GIMAP8: variants seen among roughly 807,000 people sequenced by gnomAD.
GIMAP8 encodes the protein GTPase IMAP family member 8.
In GIMAP8, 29 loss-of-function variants were observed where a neutral mutation model predicts 35.6. That is an observed-to-expected ratio of 0.81 (90% CI 0.61 to 1.11). GIMAP8 has a LOEUF of 1.11. Among genes scored for constraint, GIMAP8 ranks in the 50% most tolerant of loss-of-function variants. GIMAP8 has a pLI of 0.00. For synonymous variants in GIMAP8, 335 were observed against 308.7 expected, an observed-to-expected ratio of 1.09 and a Z score of -0.89; for missense variants, 811 against 805.0, an observed-to-expected ratio of 1.01 and a Z score of -0.09.
At chr7:150,470,009 G>T (rs1472890158) in intron 2 of GIMAP8, among the ~76,000 whole-genome samples, 4 of 152,210 alleles carry the variant, frequency 2.6e-5, no homozygotes, top group African/African-American at 9.7e-5. Flanking sequence ...AAAGATAGAA[G>T]TATATATACC....
chr7:150,471,079 C>T (rs934568352), intron 3 of GIMAP8, among the ~76,000 whole-genome samples: 5 of 152,286 alleles, frequency 3.3e-5, no homozygotes, highest in African/African-American at 9.6e-5. Context: ...CTGGACCCAG[C>T]GAGGGTGTCC....
rs772391506 is a variant in GIMAP8, at chr7:150,474,015, C to T, written c.686C>T (p.Pro229Leu). Residue 229 changes from proline to leucine, a missense_variant, in exon 4 of 5, where the codon CCA (proline) becomes CTA (leucine). Transcript: ENST00000307271. ...AACCTGTCCATTTGTCCCACAGGCC[C>T]AAGGGAAAGGCAGCTGCAGTCCACA... Reference protein sequence around the residue: ...ASQEGDKPQGPRERQLQSTGP... With the variant: ...ASQEGDKPQGLRERQLQSTGP... 6.2e-7 allele frequency: 1 copy of T among 1,611,260 alleles called. No individual in the cohort carries two copies. Among genetic ancestry groups the T allele is most frequent in the Admixed American group, 1.7e-5 (1 of 59,788 alleles).
rs752378751 is a variant in GIMAP8, at chr7:150,466,798, CAT to C, written c.101_102del (p.His34ArgfsTer8). 256 of 1,614,244 alleles carry C rather than the reference CAT, an allele frequency of 1.6e-4. No homozygotes were observed. The highest frequency in any genetic ancestry group is 3.8e-4 in the East Asian group (17 of 44,880). On this transcript the variant is annotated frameshift_variant, in exon 2 of 5. Coordinates refer to ENST00000307271, the MANE Select transcript of GIMAP8 (RefSeq NM_175571.4). LOFTEE classifies it high-confidence loss of function. ...SATGNAILGK[H>X]VFKSKFSDQT... ...CACAGGAAATGCCATTCTGGGCAAACATGTGTTCAAGTCCAAGTTCAGTGATC... is the reference window on the plus strand; with the variant it reads ...CACAGGAAATGCCATTCTGGGCAAACGTGTTCAAGTCCAAGTTCAGTGATC...
At chr7:150,473,734 T>C (rs1802146890) in intron 3 of GIMAP8, among the ~76,000 whole-genome samples, 3 of 151,804 alleles carry the variant, frequency 2.0e-5, no homozygotes, top group African/African-American at 7.3e-5. Context: ...GATAACAAAA[T>C]GAGGGGAACC....
At chr7:150,460,999 T>C (rs1416657681) in intron 1 of GIMAP8, among the ~76,000 whole-genome samples, 2 of 152,196 alleles carry the variant, frequency 1.3e-5, no homozygotes, top group Admixed American at 1.3e-4. Context: ...AAGGCTTTGC[T>C]CCAAAATCTT....
intron 2 of GIMAP8, among the ~76,000 whole-genome samples, chr7:150,469,878 T>A (rs994753545): frequency 6.6e-6 from 1 of 152,270 alleles, no homozygotes. Context: ...TAAAGAATGA[T>A]GTAGTTCTGT....
Position 150,474,240 on chromosome 7 carries a change from C to T in GIMAP8, c.911C>T (p.Pro304Leu), listed in dbSNP as rs758660235. Residue 304 changes from proline to leucine, a missense_variant, in exon 4 of 5, where the codon CCG (proline) becomes CTG (leucine). Transcript: ENST00000307271. ...RKKKVSIIDA[P>L]DISSLKNIDS... ...AAGAAAGTTTCGATCATTGATGCTC[C>T]GGACATCTCATCTTTAAAGAACATT... The T allele has an allele frequency of 1.1e-5, 17 of 1,613,998 alleles. No homozygotes were observed. The highest frequency in any genetic ancestry group is 5.3e-5 in the African/African-American group (4 of 74,898).
rs746636931 is a variant in GIMAP8 at position 150,466,723 on chromosome 7, T to C, written c.25T>C (p.Ser9Pro). The C allele has an allele frequency of 2.1e-5, 34 of 1,614,046 alleles. No homozygotes were observed. Among genetic ancestry groups the C allele is most frequent in the Non-Finnish European group, 2.9e-5 (34 of 1,180,038 alleles). Reference protein sequence around the residue: MSEQSCQMSELRLLLLGKC... With the variant: MSEQSCQMPELRLLLLGKC... The stretch of plus-strand genomic sequence containing the variant: ...CATGTCAGAGCAGAGCTGCCAGATG[T>C]CCGAACTGCGGCTCCTCCTCCTGGG... The change falls in exon 2 of 5, where the codon TCC (serine) becomes CCC (proline). Residue 9 changes from serine (S) to proline (P), a missense_variant. By Grantham distance (74) the Ser-to-Pro change is moderately conservative. Transcript: ENST00000307271.
chr7:150,453,358 T>G (rs1303813026), intron 1 of GIMAP8, among the ~76,000 whole-genome samples: 4 of 152,214 alleles, frequency 2.6e-5, no homozygotes. Flanking sequence ...CTCTGCCCCG[T>G]GCCGTGCAGC....
intron 1 of GIMAP8, among the ~76,000 whole-genome samples, chr7:150,456,495 T>C (rs766552404): frequency 6.6e-6 from 1 of 152,180 alleles, no homozygotes; most frequent in Non-Finnish European, 1.5e-5. Context: ...TCCTTCTCAC[T>C]CTGACTTTCC....
intron 1 of GIMAP8, among the ~76,000 whole-genome samples, chr7:150,460,680 G>T (rs1801824245): frequency 2.0e-5 from 3 of 152,214 alleles, no homozygotes; most frequent in Admixed American, 2.0e-4. Flanking sequence ...TCAATTCATT[G>T]TAGGAAACTC....
At chr7:150,475,862 G>T (rs1325194579) in intron 4 of GIMAP8, among the ~76,000 whole-genome samples, 1 of 152,190 alleles carries the variant, frequency 6.6e-6, no homozygotes, top group Non-Finnish European at 1.5e-5. Context: ...GCAATTTGAA[G>T]CAAAGAGGTA....
chr7:150,462,945 T>C (rs1449370702), intron 1 of GIMAP8, among the ~76,000 whole-genome samples: 1 of 152,212 alleles, frequency 6.6e-6, no homozygotes, highest in African/African-American at 2.4e-5. Context: ...ACTTTTCCCA[T>C]CTTGTATCTT....
At position 150,477,241 on chromosome 7, in the gene GIMAP8, C is replaced by G. The variant is rs1290588283; in HGVS notation, c.1459C>G (p.Gln487Glu). The change falls in exon 5 of 5, where the codon CAG (glutamine) becomes GAG (glutamate). Residue 487 changes from glutamine to glutamate, a missense_variant. Coordinates refer to ENST00000307271, the MANE Select transcript of GIMAP8 (RefSeq NM_175571.4). The stretch of plus-strand genomic sequence containing the variant: ...GAGTGGCAGGAGGACATGGGACGGA[C>G]AGGAGGTGGTGGTTGTGGACACTCC... ...SQSGRRTWDGQEVVVVDTPSF... is the reference protein window; with the variant it reads ...SQSGRRTWDGEEVVVVDTPSF... 1.2e-6 allele frequency: 2 copies of G among 1,613,918 alleles called. No homozygotes were observed. Among genetic ancestry groups the G allele is most frequent in the Non-Finnish European group, 1.7e-6 (2 of 1,180,018 alleles).
At chr7:150,464,656 C>T (rs1318310106) in intron 1 of GIMAP8, among the ~76,000 whole-genome samples, 1 of 152,046 alleles carries the variant, frequency 6.6e-6, no homozygotes, top group Non-Finnish European at 1.5e-5. Context: ...GCACAACAAC[C>T]TGGGCAACAG....
At chr7:150,463,797 A>G (rs1233411276) in intron 1 of GIMAP8, among the ~76,000 whole-genome samples, 1 of 152,230 alleles carries the variant, frequency 6.6e-6, no homozygotes, top group African/African-American at 2.4e-5. Flanking sequence ...TGGCATATAC[A>G]AACACTGATA....
At chr7:150,467,367 T>C in intron 2 of GIMAP8, 33 bp downstream of exon 2, 2 of 1,567,410 alleles carry the variant, frequency 1.3e-6, no homozygotes, top group Non-Finnish European at 8.7e-7. Context: ...GAAAGATCTC[T>C]ATGTTGCTGA....
At chr7:150,456,426 A>G (rs1801730554) in intron 1 of GIMAP8, among the ~76,000 whole-genome samples, 1 of 152,110 alleles carries the variant, frequency 6.6e-6, no homozygotes, top group Non-Finnish European at 1.5e-5. Context: ...CTTTAAAGCT[A>G]GCAATGTGGC....
At chr7:150,470,758 TTTTTTTTTTTCA>T in intron 2 of GIMAP8, 59 bp from the exon 3 acceptor site, 20 of 702,992 alleles carry the variant, frequency 2.8e-5, no homozygotes, top group East Asian at 5.9e-5. Context: ...TTTTTTTTTT[TTTTTTTTTTTCA>T]GTTTGTGGAA....
Sources: gnomAD v4.1 joint callset for allele counts (sites outside exome capture counted in the v4.1 genomes callset) on GRCh38, gnomAD v4.1.1 for gene constraint, MANE v1.5 for transcripts, NCBI Gene and HGNC (gene_info 2026-07-23, HGNC 2026-07-21) for gene names.